The following CALN1 variants were observed in gnomAD, a reference collection of about 807,000 sequenced individuals.
The protein encoded by CALN1 is calcium-binding protein 8.
Under a neutral mutation model 30.6 loss-of-function variants are expected in CALN1, and 17 were observed. The observed-to-expected ratio is 0.56, with a 90% CI of 0.38 to 0.83. The LOEUF is 0.83. CALN1 is among the 40% of genes least tolerant of loss of function. The pLI is 0.00. For missense variants in CALN1, 291 were observed against 354.9 expected, an observed-to-expected ratio of 0.82 and a Z score of 1.45; for synonymous variants, 156 against 131.4, an observed-to-expected ratio of 1.19 and a Z score of -1.28.
chr7:72,318,827 C>T lies in CALN1; in HGVS notation c.120-40017G>A, dbSNP rs553505613. On this transcript the variant is annotated intron_variant, in intron 2 of 6. Coordinates refer to ENST00000395275, the MANE Select transcript of CALN1 (RefSeq NM_031468.4). ...TCAGCCTCTGGAGTAGCTGGGATTTCAGGCATGTGTCAGGAATGGCTATTA... is the reference window on the plus strand; with the variant it reads ...TCAGCCTCTGGAGTAGCTGGGATTTTAGGCATGTGTCAGGAATGGCTATTA... Among the ~76,000 whole-genome samples the T allele has an allele frequency of 4.2e-3, 90 of 21,226 alleles. 3 individuals are homozygous for T. The South Asian group carries it at 0.19, about 44-fold the overall frequency. The allele number at this position is 21,226 out of a possible 152,430, so 13.9% of individuals were successfully genotyped here.
chr7:72,385,775 T>A (rs1303465195), intron 2 of CALN1, among the ~76,000 whole-genome samples: 1 of 152,186 alleles, frequency 6.6e-6, no homozygotes, highest in East Asian at 1.9e-4. Context: ...AGTTTCCTCA[T>A]CACACGCTCT....
At chr7:72,468,826 T>C in the CALN1 span, among the ~76,000 whole-genome samples, 3 of 152,330 alleles carry the variant, frequency 2.0e-5, no homozygotes, top group African/African-American at 7.2e-5. Context: ...TGAGCATCTG[T>C]TCATGTGCTT....
chr7:72,417,646 T>C (rs1807464749), intron 1 of CALN1, among the ~76,000 whole-genome samples: 1 of 152,242 alleles, frequency 6.6e-6, no homozygotes, highest in Non-Finnish European at 1.5e-5. Flanking sequence ...CTGAAACTGA[T>C]TTGTCCAGAT....
At chr7:71,938,193 C>T (rs893696245) in intron 5 of CALN1, among the ~76,000 whole-genome samples, 2 of 152,242 alleles carry the variant, frequency 1.3e-5, no homozygotes, top group Admixed American at 6.5e-5. Context: ...CCATCATTTC[C>T]AGATAGGGAC....
intron 5 of CALN1, among the ~76,000 whole-genome samples, chr7:71,862,115 C>T (rs1409175087): frequency 2.0e-5 from 3 of 152,212 alleles, no homozygotes; most frequent in Non-Finnish European, 2.9e-5. Context: ...GAGCCTAATT[C>T]TCAGGAACAA....
chr7:72,415,398 C>T (rs1341182000), upstream of CALN1, among the ~76,000 whole-genome samples: 1 of 152,218 alleles, frequency 6.6e-6, no homozygotes, highest in Admixed American at 6.5e-5. Context: ...AAGTGGCTCC[C>T]TTTGTGCAAG....
chr7:72,275,567 A>G (rs1269086136), intron 3 of CALN1, among the ~76,000 whole-genome samples: 1 of 152,180 alleles, frequency 6.6e-6, no homozygotes, highest in African/African-American at 2.4e-5. Context: ...GTCAGAAAAT[A>G]AATGGCCCTT....
At chr7:72,048,253 G>A (rs1802607865) in intron 4 of CALN1, among the ~76,000 whole-genome samples, 1 of 152,044 alleles carries the variant, frequency 6.6e-6, no homozygotes, top group Non-Finnish European at 1.5e-5. Flanking sequence ...TGGCCAGGCA[G>A]GACTTGAACT....
At chr7:72,411,883 A>C (rs552114421) in intron 1 of CALN1, among the ~76,000 whole-genome samples, 175 bp downstream of exon 1, 14 of 152,308 alleles carry the variant, frequency 9.2e-5, no homozygotes, top group Non-Finnish European at 1.9e-4. Flanking sequence ...TTGATGAAGC[A>C]ACTCTCTTTT....
chr7:72,468,102 A>G, the CALN1 span, among the ~76,000 whole-genome samples: 1 of 152,228 alleles, frequency 6.6e-6, no homozygotes, highest in Non-Finnish European at 1.5e-5. Context: ...ATCCCATAAT[A>G]GTCCATTGCA....
At chr7:72,438,197 T>C (rs978539718) in intron 1 of CALN1, among the ~76,000 whole-genome samples, 55 of 152,030 alleles carry the variant, frequency 3.6e-4, no homozygotes, top group African/African-American at 1.2e-3. Flanking sequence ...GCCAGGCTGT[T>C]CTAAACCCCT....
chr7:72,201,531 C>T lies in CALN1; in HGVS notation c.244+77155G>A, dbSNP rs139558271. On this transcript the variant is annotated intron_variant, in intron 3 of 6. Coordinates refer to ENST00000395275, the MANE Select transcript of CALN1 (RefSeq NM_031468.4). ...GCTTGAACCTGGTAGGCAAAGGCTG[C>T]AGTGAGCTGAGATTGTGCCACTCCA... Among the ~76,000 whole-genome samples the T allele has an allele frequency of 3.1e-3, 472 of 151,312 alleles. 3 individuals carry two copies. The highest frequency in any genetic ancestry group is 0.011 in the African/African-American group (449 of 41,200).
At chr7:71,971,264 C>T (rs991934678) in intron 5 of CALN1, among the ~76,000 whole-genome samples, 1 of 152,184 alleles carries the variant, frequency 6.6e-6, no homozygotes. Context: ...GCCTGGCCAA[C>T]ATGGTGAAAC....
intron 3 of CALN1, among the ~76,000 whole-genome samples, chr7:72,171,639 G>T (rs1426010918): frequency 2.0e-5 from 3 of 152,052 alleles, no homozygotes; most frequent in Admixed American, 6.6e-5. Context: ...CCACATCCAG[G>T]ACTAACATGT....
intron 3 of CALN1, among the ~76,000 whole-genome samples, chr7:72,166,415 C>A (rs191723547): frequency 6.6e-6 from 1 of 152,130 alleles, no homozygotes; most frequent in African/African-American, 2.4e-5. Flanking sequence ...GTCTTGAACT[C>A]CTGGTCTCAA....
intron 4 of CALN1, among the ~76,000 whole-genome samples, chr7:72,080,749 G>A (rs1419804477): frequency 6.6e-6 from 1 of 152,172 alleles, no homozygotes; most frequent in African/African-American, 2.4e-5. Flanking sequence ...ATAGGTCAGA[G>A]AACTGGGCAG....
chr7:72,142,229 G>T (rs1393691825), intron 3 of CALN1, among the ~76,000 whole-genome samples: 1 of 152,150 alleles, frequency 6.6e-6, no homozygotes, highest in Non-Finnish European at 1.5e-5. Flanking sequence ...CTAGCCAAGG[G>T]AAGAAGGGAC....
chr7:72,420,540 T>C (rs1807571193), intron 1 of CALN1, among the ~76,000 whole-genome samples: 1 of 151,854 alleles, frequency 6.6e-6, no homozygotes, highest in African/African-American at 2.4e-5. Context: ...AAATCACCTT[T>C]TTAAAAAATT....
At chr7:71,832,921 TATA>T (rs1789377748) in intron 5 of CALN1, among the ~76,000 whole-genome samples, 1 of 152,218 alleles carries the variant, frequency 6.6e-6, no homozygotes, top group Non-Finnish European at 1.5e-5. Flanking sequence ...CAAGTGTTTC[TATA>T]ATATCATCCA....
Sources: allele counts gnomAD v4.1 joint callset (sites outside exome capture counted in the v4.1 genomes callset), GRCh38; gene constraint gnomAD v4.1.1; transcripts MANE v1.5; gene names NCBI Gene and HGNC (gene_info 2026-07-23, HGNC 2026-07-21).